Variants in PAK4 observed in about 807,000 individuals in gnomAD.
PAK4 encodes the protein p21 (RAC1) activated kinase 4.
In PAK4, 49 loss-of-function variants were observed where a neutral mutation model predicts 53.5. The observed-to-expected ratio is 0.92, with a 90% confidence interval of 0.73 to 1.16. The LOEUF is 1.16. PAK4 is among the 50% of genes most tolerant of loss of function. The pLI, the probability that PAK4 is intolerant of heterozygous loss-of-function variation, is 0.00. For synonymous variants in PAK4, 376 were observed against 375.6 expected, an observed-to-expected ratio of 1.00 and a Z score of -0.01; for missense variants, 824 against 850.7, an observed-to-expected ratio of 0.97 and a Z score of 0.39.
intron 1 of PAK4, among the ~76,000 whole-genome samples, chr19:39,151,058 G>A (rs554493399): frequency 1.3e-5 from 2 of 152,346 alleles, no homozygotes; most frequent in East Asian, 1.9e-4. Context: ...GGTTGGGGGC[G>A]GAGAGTGTGC....
Position 39,173,038 on chromosome 19 carries a change from GC to G in PAK4, c.328del (p.Arg110ValfsTer259). On this transcript the variant is annotated frameshift_variant, in exon 3 of 9. Coordinates refer to ENST00000358301, the Ensembl canonical transcript of PAK4. LOFTEE classifies it high-confidence loss of function. This position sits in a 1 kb window ranked among gnomAD's most constrained non-coding sequence, Gnocchi z 6.9. ...GCGGAGAGACAGCCCGCCGCCGCCC[GC>G]CCGTGCCCGCCAGGAAAATGGGATG... 6.5e-7 allele frequency: 1 copy of G among 1,548,920 alleles called. No homozygotes were observed. Among genetic ancestry groups the G allele is most frequent in the Non-Finnish European group, 8.7e-7 (1 of 1,146,812 alleles).
intron 1 of PAK4, among the ~76,000 whole-genome samples, chr19:39,153,029 C>T (rs1480002628): frequency 6.6e-6 from 1 of 152,022 alleles, no homozygotes; most frequent in Non-Finnish European, 1.5e-5. Context: ...CCCTCAGCTA[C>T]CGAGGGAGAA....
At chr19:39,137,157 G>A (rs1231818048) in intron 1 of PAK4, among the ~76,000 whole-genome samples, 1 of 141,340 alleles carries the variant, frequency 7.1e-6, no homozygotes, top group Non-Finnish European at 1.6e-5. Context: ...AAATGTGATT[G>A]TTTATTTTTT....
Position 39,178,486 on chromosome 19 carries a change from C to T in PAK4, c.1683C>T (p.Ala561=). The T allele has an allele frequency of 3.7e-6, 6 of 1,611,490 alleles. No homozygotes were observed. Among genetic ancestry groups the T allele is most frequent in the Non-Finnish European group, 4.2e-6 (5 of 1,179,318 alleles). ...TGGTGCGAGACCCTGCCCAGCGGGC[C>T]ACGGCAGCCGAGCTGCTGAAGCACC... is the stretch of plus-strand genomic sequence containing the variant. Residue 561 remains alanine, a synonymous_variant, in exon 9 of 9, where the codon GCC becomes GCT. Transcript: ENST00000358301. The surrounding 1 kb of genome is among the most constrained non-coding windows in gnomAD (Gnocchi z 4.4).
At chr19:39,133,455 G>T (rs1237604107) in intron 1 of PAK4, among the ~76,000 whole-genome samples, 4 of 152,128 alleles carry the variant, frequency 2.6e-5, no homozygotes, top group Admixed American at 1.3e-4. Flanking sequence ...CCTTTTCTAG[G>T]GAGGAGACTG....
Position 39,161,289 on chromosome 19 carries a change from G to A in PAK4, c.-22-8243G>A, listed in dbSNP as rs1267251653. ...GATGGCCACAGACAGGCAAACAACT[G>A]TAATGTGTGAGGCAACGCTGAGGGC... On this transcript the variant is annotated intron_variant, in intron 1 of 8. Transcript: ENST00000358301. This position sits in a 1 kb window ranked among gnomAD's most constrained non-coding sequence, Gnocchi z 4.5. 1.3e-5 allele frequency among the ~76,000 whole-genome samples: 2 copies of A among 152,224 alleles called. No homozygotes were observed. The highest frequency in any genetic ancestry group is 2.9e-5 in the Non-Finnish European group (2 of 68,046).
intron 1 of PAK4, among the ~76,000 whole-genome samples, chr19:39,140,025 G>A (rs1372991124): frequency 6.6e-6 from 1 of 152,188 alleles, no homozygotes; most frequent in Non-Finnish European, 1.5e-5. Context: ...GGCAACTGAG[G>A]CCCAGAGAAG....
chr19:39,182,411 C>T (rs573072151), downstream of PAK4: 1 of 152,366 alleles, frequency 6.6e-6, no homozygotes, highest in South Asian at 2.1e-4. Flanking sequence ...CTTGCTCTTT[C>T]ATTAGATTTG....
chr19:39,125,864 G>C (rs1434137535), exon 1 of PAK4: 2 of 153,132 alleles, frequency 1.3e-5, no homozygotes, highest in African/African-American at 2.4e-5. Flanking sequence ...GGAGGCGCGA[G>C]GGCGCGGAGT....
intron 1 of PAK4, among the ~76,000 whole-genome samples, chr19:39,155,790 G>A (rs1600358352): frequency 6.6e-6 from 1 of 152,232 alleles, no homozygotes. Flanking sequence ...AAGTCACTCC[G>A]CCTCTCCGCG....
At chr19:39,154,155 T>C (rs2074138066) in intron 1 of PAK4, among the ~76,000 whole-genome samples, 1 of 152,112 alleles carries the variant, frequency 6.6e-6, no homozygotes, top group African/African-American at 2.4e-5. Context: ...TTGTCTTGTT[T>C]CTAGTCTCTT....
At chr19:39,152,398 C>T (rs1225145056) in intron 1 of PAK4, 1 of 152,126 alleles carries the variant, frequency 6.6e-6, no homozygotes, top group East Asian at 1.9e-4. Context: ...TTCAGGTAGC[C>T]TTTATTTCAC....
At chr19:39,126,460 G>GGGGGGGGGGGGGGGGT (rs2073582230) in intron 1 of PAK4, among the ~76,000 whole-genome samples, 1 of 112,214 alleles carries the variant, frequency 8.9e-6, no homozygotes. Context: ...GGGGGGGGGG[G>GGGGGGGGGGGGGGGGT]GCCGGGTCAG....
rs774626054 is a variant in PAK4, at chr19:39,173,754, C to T, written c.842C>T (p.Pro281Leu). 6 of 1,585,792 alleles carry T rather than the reference C, an allele frequency of 3.8e-6. No individual in the cohort carries two copies. In the South Asian group the frequency reaches 6.8e-5, roughly 18 times the overall value. Residue 281 changes from proline to leucine, a missense_variant, in exon 4 of 9, where the codon CCT (proline) becomes CTT (leucine). Coordinates refer to ENST00000358301, the Ensembl canonical transcript of PAK4. The surrounding 1 kb of genome is among the most constrained non-coding windows in gnomAD (Gnocchi z 6.9). Reference sequence around the variant, plus strand: ...CCTCCAGCCTGCACCCCCGCCGCCCCTGCTGTTCCTGGGCCCCCTGGCCCC... The same window carrying T: ...CCTCCAGCCTGCACCCCCGCCGCCCTTGCTGTTCCTGGGCCCCCTGGCCCC...
rs2074527513 is a variant in PAK4 at position 39,173,357 on chromosome 19, A to C, written c.644A>C (p.His215Pro). 1.3e-6 allele frequency: 2 copies of C among 1,542,164 alleles called. No individual in the cohort carries two copies. The highest frequency in any genetic ancestry group is 4.0e-5 in the Admixed American group (2 of 50,008). ...ACCTACCCGAGGGCTGACACGGACC[A>C]CCCATCCCGGGGTGCCCAGGTAACC... The change falls in exon 3 of 9, where the codon CAC becomes CCC. Residue 215 changes from histidine (H) to proline (P), a missense_variant. Transcript: ENST00000358301. The surrounding 1 kb of genome is among the most constrained non-coding windows in gnomAD (Gnocchi z 6.9).
chr19:39,176,873 T>A (rs1461463962), intron 7 of PAK4, among the ~76,000 whole-genome samples, 158 bp downstream of exon 8: 1 of 151,628 alleles, frequency 6.6e-6, no homozygotes, highest in African/African-American at 2.4e-5. Flanking sequence ...TATTCATTCT[T>A]CTTTTTTTTT....
intron 1 of PAK4, among the ~76,000 whole-genome samples, chr19:39,149,855 CTAAA>C (rs908530835): frequency 4.4e-4 from 67 of 151,654 alleles, no homozygotes; most frequent in Non-Finnish European, 5.9e-4. Flanking sequence ...GACTCTGTCT[CTAAA>C]TAAATAAATA....
At chr19:39,142,847 C>G (rs2073932882) in intron 1 of PAK4, among the ~76,000 whole-genome samples, 1 of 152,164 alleles carries the variant, frequency 6.6e-6, no homozygotes, top group Non-Finnish European at 1.5e-5. Context: ...GGCCATACGT[C>G]CCTTGGGCTG....
At chr19:39,157,935 T>C (rs2074213249) in intron 1 of PAK4, among the ~76,000 whole-genome samples, 1 of 152,212 alleles carries the variant, frequency 6.6e-6, no homozygotes, top group South Asian at 2.1e-4. Context: ...CTCGGCTCTA[T>C]GTGGTGTCAG....
Sources: allele counts gnomAD v4.1 joint callset (sites outside exome capture counted in the v4.1 genomes callset), GRCh38; gene constraint gnomAD v4.1.1; non-coding constraint Gnocchi (gnomAD v3.1); transcripts MANE v1.5; gene names NCBI Gene and HGNC (gene_info 2026-07-23, HGNC 2026-07-21).